The following SPATA31H1 variants were observed in gnomAD, a reference collection of about 807,000 sequenced individuals.
SPATA31H1 encodes spermatogenesis-associated protein 31H1.
the SPATA31H1 span, among the ~76,000 whole-genome samples, chr2:27,545,579 C>CTTTTTTT: frequency 7.1e-6 from 1 of 141,300 alleles, no homozygotes; most frequent in Non-Finnish European, 1.5e-5. Context: ...TTTCCTTTTT[C>CTTTTTTT]TTTTTTTTTT....
At chr2:27,552,560 C>A in the SPATA31H1 span, among the ~76,000 whole-genome samples, 1 of 151,888 alleles carries the variant, frequency 6.6e-6, no homozygotes, top group Non-Finnish European at 1.5e-5. Flanking sequence ...ATTGTTTTGG[C>A]TATTTAGGGA....
At chr2:27,550,411 A>ATTTTTTTTTTTTTTTTTTTTTTTTTTTT in the SPATA31H1 span, among the ~76,000 whole-genome samples, 1 of 94,540 alleles carries the variant, frequency 1.1e-5, no homozygotes, top group Non-Finnish European at 2.0e-5. Flanking sequence ...TGGGTGTTAA[A>ATTTTTTTTTTTTTTTTTTTTTTTTTTTT]TTTTTTTTTT....
At chr2:27,579,539 A>C in the SPATA31H1 span, 1 of 1,614,180 alleles carries the variant, frequency 6.2e-7, no homozygotes, top group Non-Finnish European at 8.5e-7. Context: ...TAATACAGCA[A>C]TACTCTGGGA....
chr2:27,565,163 T>C, the SPATA31H1 span, among the ~76,000 whole-genome samples: 1 of 152,204 alleles, frequency 6.6e-6, no homozygotes, highest in Admixed American at 6.5e-5. Context: ...CTATATTCCC[T>C]GATATTTATA....
chr2:27,572,089 A>G, the SPATA31H1 span: 3 of 398,440 alleles, frequency 7.5e-6, no homozygotes, highest in East Asian at 1.1e-4. Flanking sequence ...AAATCGGTAG[A>G]CCTCAAGTCT....
the SPATA31H1 span, among the ~76,000 whole-genome samples, chr2:27,539,942 A>C: frequency 1.7e-5 from 2 of 120,296 alleles, no homozygotes. Flanking sequence ...TCCCTCCCGG[A>C]CGGGGCGGCT....
chr2:27,571,429 A>G, the SPATA31H1 span: 3 of 398,496 alleles, frequency 7.5e-6, no homozygotes, highest in East Asian at 1.1e-4. Context: ...AAATCTGTGG[A>G]ATTCACCCCT....
chr2:27,562,570 C>CAT, the SPATA31H1 span, among the ~76,000 whole-genome samples: 2 of 147,444 alleles, frequency 1.4e-5, no homozygotes, highest in South Asian at 4.2e-4. Flanking sequence ...CACACACACA[C>CAT]ATATATATAA....
the SPATA31H1 span, among the ~76,000 whole-genome samples, chr2:27,548,329 T>G: frequency 6.6e-6 from 1 of 151,832 alleles, no homozygotes; most frequent in African/African-American, 2.4e-5. Flanking sequence ...AATTATCGCC[T>G]GGGTGCAGTG....
At chr2:27,553,402 AAGTCCATGTTTCACAC>A in the SPATA31H1 span, among the ~76,000 whole-genome samples, 1 of 152,020 alleles carries the variant, frequency 6.6e-6, no homozygotes, top group Non-Finnish European at 1.5e-5. Context: ...GTGGCTGATT[AAGTCCATGTTTCACAC>A]ATATACTGAT....
At chr2:27,577,240 T>TA in the SPATA31H1 span, 1 of 1,614,006 alleles carries the variant, frequency 6.2e-7, no homozygotes, top group East Asian at 2.2e-5. This position sits in a 1 kb window ranked among gnomAD's most constrained non-coding sequence, Gnocchi z 4.5. Flanking sequence ...TTCTTAGGAT[T>TA]AACTCCAGAG....
At chr2:27,582,067 G>C in the SPATA31H1 span, 36 of 1,613,856 alleles carry the variant, frequency 2.2e-5, no homozygotes, top group Non-Finnish European at 2.7e-5. Flanking sequence ...AGATCTCACA[G>C]GTCCTTTGAG....
chr2:27,580,226 G>T, the SPATA31H1 span: 1 of 1,614,184 alleles, frequency 6.2e-7, no homozygotes, highest in Non-Finnish European at 8.5e-7. Flanking sequence ...TAGATTTGCA[G>T]TCTGGGCCTT....
the SPATA31H1 span, chr2:27,581,558 T>C: frequency 2.7e-6 from 4 of 1,459,318 alleles, no homozygotes; most frequent in Admixed American, 3.9e-5. Flanking sequence ...AGAGAAGCCA[T>C]CGCAGTTCCT....
the SPATA31H1 span, chr2:27,582,381 C>T: frequency 6.2e-6 from 10 of 1,614,074 alleles, no homozygotes; most frequent in Non-Finnish European, 8.5e-6. Flanking sequence ...ACGCAGTCCC[C>T]TTAAGGAGGG....
the SPATA31H1 span, chr2:27,577,393 C>T: frequency 6.2e-7 from 1 of 1,614,082 alleles, no homozygotes; most frequent in Middle Eastern, 1.7e-4. This position sits in a 1 kb window ranked among gnomAD's most constrained non-coding sequence, Gnocchi z 4.5. Flanking sequence ...CATTACTTTA[C>T]AGAAGCTATG....
At chr2:27,579,910 G>C in the SPATA31H1 span, 2 of 1,614,158 alleles carry the variant, frequency 1.2e-6, no homozygotes, top group Non-Finnish European at 1.7e-6. Context: ...CTAGCTTCAG[G>C]TCTAGTCCTA....
the SPATA31H1 span, chr2:27,537,451 G>A: frequency 0.01 from 7,418 of 717,414 alleles, 382 homozygotes; most frequent in African/African-American, 0.11. Flanking sequence ...GGGGATGGAC[G>A]TCCCACTGCC....
the SPATA31H1 span, among the ~76,000 whole-genome samples, chr2:27,553,141 A>G: frequency 6.6e-6 from 1 of 152,118 alleles, no homozygotes; most frequent in African/African-American, 2.4e-5. Flanking sequence ...CTGCCCACAC[A>G]GCTTTGGGTA....
Sources: gnomAD v4.1 joint callset for allele counts (sites outside exome capture counted in the v4.1 genomes callset) on GRCh38, gnomAD v4.1.1 for gene constraint, Gnocchi (gnomAD v3.1) non-coding constraint, MANE v1.5 for transcripts, NCBI Gene and HGNC (gene_info 2026-07-23, HGNC 2026-07-21) for gene names.